The following KLHL1 variants were observed in gnomAD, a reference collection of about 807,000 sequenced individuals.
The protein encoded by KLHL1 is kelch like family member 1, also known as kelch-like protein 1.
Under a neutral mutation model 77.7 loss-of-function variants are expected in KLHL1, and 47 were observed. The observed-to-expected ratio is 0.60, with a 90% confidence interval of 0.48 to 0.77. The LOEUF is 0.77. KLHL1 is among the 30% of genes least tolerant of loss of function. The pLI is 0.00. For synonymous variants in KLHL1, 360 were observed against 325.2 expected, an observed-to-expected ratio of 1.11 and a Z score of -1.15; for missense variants, 925 against 910.8, an observed-to-expected ratio of 1.02 and a Z score of -0.20.
intron 1 of KLHL1, among the ~76,000 whole-genome samples, chr13:69,989,050 A>T (rs1884952264): frequency 1.3e-5 from 2 of 152,200 alleles, no homozygotes; most frequent in Non-Finnish European, 1.5e-5. Flanking sequence ...TATGTTCAAA[A>T]TAGTATTTTC....
intron 7 of KLHL1, among the ~76,000 whole-genome samples, chr13:69,793,114 T>TA (rs1876942130): frequency 6.6e-6 from 1 of 152,036 alleles, no homozygotes; most frequent in Admixed American, 6.6e-5. Flanking sequence ...GCATAGCACA[T>TA]AAAAAATCCA....
chr13:70,095,241 C>A (rs1171947309), intron 1 of KLHL1, among the ~76,000 whole-genome samples: 1 of 152,004 alleles, frequency 6.6e-6, no homozygotes, highest in African/African-American at 2.4e-5. Context: ...TGCACCACTT[C>A]CAGAATAAAA....
At chr13:69,743,368 T>C (rs1473787334) in intron 7 of KLHL1, among the ~76,000 whole-genome samples, 1 of 152,134 alleles carries the variant, frequency 6.6e-6, no homozygotes, top group Non-Finnish European at 1.5e-5. Flanking sequence ...AGGTAGTAGA[T>C]TGAATTAACA....
intron 8 of KLHL1, among the ~76,000 whole-genome samples, chr13:69,736,870 G>A (rs1206959617): frequency 1.3e-5 from 2 of 152,094 alleles, no homozygotes; most frequent in Non-Finnish European, 2.9e-5. Context: ...GGATACAAAG[G>A]CATAAGAATG....
intron 1 of KLHL1, among the ~76,000 whole-genome samples, chr13:70,071,249 T>TA: frequency 6.6e-6 from 1 of 151,996 alleles, no homozygotes; most frequent in Middle Eastern, 3.4e-3. Context: ...TAAACAGACT[T>TA]AAAAATTAGA....
At chr13:69,722,790 C>T (rs1244334489) in intron 8 of KLHL1, among the ~76,000 whole-genome samples, 1 of 151,868 alleles carries the variant, frequency 6.6e-6, no homozygotes, top group Non-Finnish European at 1.5e-5. Context: ...AGTAGATTCA[C>T]CATATGATCC....
At chr13:69,986,057 T>C (rs559866613) in intron 1 of KLHL1, among the ~76,000 whole-genome samples, 47 of 151,530 alleles carry the variant, frequency 3.1e-4, no homozygotes, top group Non-Finnish European at 5.8e-4. Flanking sequence ...GGATATTACT[T>C]TAAGTAAAAT....
chr13:70,004,023 A>G (rs1210623143), intron 1 of KLHL1, among the ~76,000 whole-genome samples: 1 of 151,830 alleles, frequency 6.6e-6, no homozygotes, highest in Non-Finnish European at 1.5e-5. Flanking sequence ...ATCATACACA[A>G]TACCTCTTAG....
At chr13:69,821,975 A>C (rs1878355417) in intron 6 of KLHL1, among the ~76,000 whole-genome samples, 1 of 152,106 alleles carries the variant, frequency 6.6e-6, no homozygotes, top group Non-Finnish European at 1.5e-5. Context: ...CAAGGCAGGC[A>C]AATCACGAAG....
At chr13:70,048,845 G>C (rs554427466) in intron 1 of KLHL1, among the ~76,000 whole-genome samples, 1 of 152,322 alleles carries the variant, frequency 6.6e-6, no homozygotes, top group South Asian at 2.1e-4. Context: ...GTACTGGTCT[G>C]TGGGCTGCGG....
intron 8 of KLHL1, among the ~76,000 whole-genome samples, chr13:69,730,638 G>T (rs1210459107): frequency 1.3e-5 from 2 of 151,976 alleles, no homozygotes; most frequent in East Asian, 3.9e-4. Context: ...CAGGTGGCAT[G>T]ATCACAGCTC....
chr13:70,020,859 T>TC (rs1885772836), intron 1 of KLHL1, among the ~76,000 whole-genome samples: 1 of 152,106 alleles, frequency 6.6e-6, no homozygotes, highest in Non-Finnish European at 1.5e-5. Flanking sequence ...TATTTTTTAC[T>TC]TTATATATAC....
At chr13:69,980,497 A>G (rs532235650) in intron 1 of KLHL1, among the ~76,000 whole-genome samples, 322 of 152,220 alleles carry the variant, frequency 2.1e-3, no homozygotes, top group Non-Finnish European at 4.0e-3. Context: ...CAGCTACACC[A>G]AATAATTTCA....
chr13:69,747,264 T>G (rs1335110465), intron 7 of KLHL1, among the ~76,000 whole-genome samples: 1 of 152,078 alleles, frequency 6.6e-6, no homozygotes, highest in African/African-American at 2.4e-5. Context: ...GCTTTTAACT[T>G]TATTTTTAAT....
chr13:69,898,700 G>A (rs1257530204), intron 4 of KLHL1, among the ~76,000 whole-genome samples: 3 of 152,170 alleles, frequency 2.0e-5, no homozygotes, highest in African/African-American at 7.2e-5. Flanking sequence ...ATATCTTAGT[G>A]GGGAATGTGG....
At chr13:69,956,403 G>A (rs17085756) in intron 3 of KLHL1, among the ~76,000 whole-genome samples, 19,290 of 150,806 alleles carry the variant, frequency 0.13, 1,921 homozygotes, top group East Asian at 0.29. Context: ...GCATTAATAT[G>A]CTTAAATTGT....
At chr13:69,782,521 A>T (rs1876280087) in intron 7 of KLHL1, among the ~76,000 whole-genome samples, 1 of 152,170 alleles carries the variant, frequency 6.6e-6, no homozygotes, top group Non-Finnish European at 1.5e-5. Flanking sequence ...TATATCCTGC[A>T]CCTGGCTTGG....
intron 6 of KLHL1, among the ~76,000 whole-genome samples, chr13:69,831,135 A>G (rs547525417): frequency 6.7e-6 from 1 of 150,054 alleles, no homozygotes; most frequent in South Asian, 2.1e-4. Flanking sequence ...GAAAGAAAAT[A>G]CAATAGATAA....
At chr13:69,997,878 A>G (rs984161821) in intron 1 of KLHL1, among the ~76,000 whole-genome samples, 1 of 150,994 alleles carries the variant, frequency 6.6e-6, no homozygotes, top group Non-Finnish European at 1.5e-5. Context: ...AGGTGTTTCC[A>G]TATCTTGACT....
Sources: gnomAD v4.1 joint callset for allele counts (sites outside exome capture counted in the v4.1 genomes callset) on GRCh38, gnomAD v4.1.1 for gene constraint, MANE v1.5 for transcripts, NCBI Gene and HGNC (gene_info 2026-07-23, HGNC 2026-07-21) for gene names.